CHAT: variants seen among roughly 807,000 people sequenced by gnomAD.
CHAT encodes the protein acetyl CoA:choline O-acetyltransferase.
A neutral mutation model predicts 76.9 loss-of-function variants in CHAT; 61 were observed. That is an observed-to-expected ratio of 0.79 (90% CI 0.65 to 0.98). The LOEUF (loss-of-function observed/expected upper bound fraction) is 0.98, where lower values mean the gene tolerates loss of function less well. Ranked by LOEUF, CHAT falls within the 50% of genes least tolerant of loss-of-function variation. CHAT has a pLI of 0.00. For synonymous variants in CHAT, 407 were observed against 397.4 expected, an observed-to-expected ratio of 1.02 and a Z score of -0.29; for missense variants, 946 against 986.9, an observed-to-expected ratio of 0.96 and a Z score of 0.56.
intron 7 of CHAT, among the ~76,000 whole-genome samples, chr10:49,635,991 C>T (rs1057219842): frequency 3.9e-5 from 6 of 152,138 alleles, no homozygotes; most frequent in African/African-American, 1.4e-4. Context: ...ATGATCCCTA[C>T]TTTTATGAAA....
chr10:49,622,201 TA>T (rs1244124447), intron 5 of CHAT, 51 bp downstream of exon 5: 1 of 1,574,228 alleles, frequency 6.4e-7, no homozygotes, highest in African/African-American at 1.3e-5. Context: ...CCTATGCGTC[TA>T]TCTCCCTTGC....
At chr10:49,663,795 C>A (rs533413262) in intron 14 of CHAT, among the ~76,000 whole-genome samples, 1 of 152,178 alleles carries the variant, frequency 6.6e-6, no homozygotes, top group South Asian at 2.1e-4. Context: ...AGCATGCAGA[C>A]GTGAATAAAC....
intron 4 of CHAT, among the ~76,000 whole-genome samples, chr10:49,621,690 C>T (rs1344589240): frequency 6.6e-6 from 1 of 152,122 alleles, no homozygotes; most frequent in Admixed American, 6.5e-5. Context: ...CCCCTTCTGG[C>T]CTGCTCTGTG....
chr10:49,627,585 T>TG (rs1838966515), intron 6 of CHAT, 23 bp from the exon 7 acceptor site: 1 of 1,613,480 alleles, frequency 6.2e-7, no homozygotes, highest in Non-Finnish European at 8.5e-7. Context: ...ACAAGTGACA[T>TG]GTTTGACCTG....
chr10:49,630,263 G>A (rs186004546), intron 7 of CHAT, among the ~76,000 whole-genome samples: 11 of 152,290 alleles, frequency 7.2e-5, no homozygotes, highest in Non-Finnish European at 1.3e-4. Context: ...CTGGAGGTCA[G>A]GTAGAGAAGG....
intron 7 of CHAT, among the ~76,000 whole-genome samples, chr10:49,642,620 C>T (rs1488765743): frequency 6.6e-6 from 1 of 152,228 alleles, no homozygotes; most frequent in African/African-American, 2.4e-5. Flanking sequence ...TCTCCTGCCT[C>T]GAGCCTGCAT....
At chr10:49,639,263 CA>C (rs1019132662) in intron 7 of CHAT, among the ~76,000 whole-genome samples, 29 of 151,944 alleles carry the variant, frequency 1.9e-4, no homozygotes, top group African/African-American at 6.5e-4. Flanking sequence ...AACAAACAAA[CA>C]AAAAAACACT....
chr10:49,648,377 A>C lies in CHAT; in HGVS notation c.1282-130A>C, dbSNP rs1839749393. 5 of 714,584 alleles carry C rather than the reference A, an allele frequency of 7.0e-6. No individual in the cohort carries two copies. The East Asian group carries it at 8.0e-5, about 11-fold the overall frequency. 44.3% of individuals were successfully genotyped at this position (714,584 alleles called of 1,614,324 possible). A position where few individuals can be genotyped will look rare whatever the true frequency, so the allele number is the denominator to read the frequency against. ...TGCAATCACATGCAGTGTTCTCTTC[A>C]GGAAATAATGTGCTCTGGTGTCCCT... On this transcript the variant is annotated intron_variant, in intron 8 of 14. Transcript: ENST00000337653.
intron 7 of CHAT, among the ~76,000 whole-genome samples, chr10:49,631,521 C>G (rs12220022): frequency 6.6e-6 from 1 of 152,130 alleles, no homozygotes; most frequent in South Asian, 2.1e-4. Context: ...AATTTTGGAA[C>G]GACACAATTT....
chr10:49,652,270 A>G (rs1473871824), intron 11 of CHAT, among the ~76,000 whole-genome samples: 1 of 151,126 alleles, frequency 6.6e-6, no homozygotes, highest in Non-Finnish European at 1.5e-5. Context: ...TAGAGCTGAG[A>G]AGAGCCAGGA....
intron 13 of CHAT, among the ~76,000 whole-genome samples, chr10:49,659,866 G>GTAAA (rs1330495584): frequency 2.6e-5 from 4 of 151,638 alleles, no homozygotes; most frequent in Admixed American, 2.0e-4. Context: ...CATCTCAAAA[G>GTAAA]TAAATAAATA....
intron 7 of CHAT, among the ~76,000 whole-genome samples, chr10:49,631,789 G>A (rs762293830): frequency 3.3e-5 from 5 of 152,186 alleles, no homozygotes; most frequent in Non-Finnish European, 7.4e-5. Context: ...CAAAGGTGTG[G>A]AGATGGAGGA....
In CHAT at chr10:49,623,117, T is replaced by TTGTCTCCTCATGGTG. The variant is rs1287437321; in HGVS notation, c.752+973_752+987dup. On this transcript the variant is annotated intron_variant, in intron 5 of 14. Coordinates refer to ENST00000337653, the MANE Select transcript of CHAT (RefSeq NM_020549.5). ...CCATGGGTCACTAGGCCCTGGGCTGTTGTCTCCTCATGGTGTGTCTTTGGT... is the reference window on the plus strand; with the variant it reads ...CCATGGGTCACTAGGCCCTGGGCTGTTGTCTCCTCATGGTGTGTCTCCTCATGGTGTGTCTTTGGT... 2.6e-5 allele frequency among the ~76,000 whole-genome samples: 4 copies of TTGTCTCCTCATGGTG among 152,306 alleles called. No homozygotes were observed. In the East Asian group the frequency reaches 7.7e-4, roughly 29 times the overall value.
At chr10:49,621,870 T>C (rs143697746) in intron 4 of CHAT, among the ~76,000 whole-genome samples, 103 of 75,224 alleles carry the variant, frequency 1.4e-3, no homozygotes, top group African/African-American at 5.9e-3. Flanking sequence ...AAGAACCACA[T>C]CTGATTAGTG....
intron 7 of CHAT, among the ~76,000 whole-genome samples, chr10:49,644,662 G>C (rs543365974): frequency 2.7e-4 from 40 of 147,804 alleles, no homozygotes; most frequent in Admixed American, 2.0e-3. Context: ...TGGCTTCCCA[G>C]AGTAGAAGGT....
intron 1 of CHAT, chr10:49,615,924 C>T: frequency 1.9e-6 from 2 of 1,036,452 alleles, no homozygotes; most frequent in South Asian, 1.4e-5. Flanking sequence ...GCCCTGGCCA[C>T]AGGCCAGGCT....
intron 7 of CHAT, among the ~76,000 whole-genome samples, chr10:49,645,323 C>G (rs1443796244): frequency 6.6e-6 from 1 of 152,184 alleles, no homozygotes; most frequent in Non-Finnish European, 1.5e-5. Context: ...CATCCAGCCC[C>G]CAAGGTCAGG....
chr10:49,611,361 G>A (rs757619919), upstream of CHAT: 16 of 1,600,398 alleles, frequency 1.0e-5, no homozygotes, highest in Non-Finnish European at 1.4e-5. Flanking sequence ...ACCCGGAGGA[G>A]CCGGAGCGCA....
At position 49,667,242 on chromosome 10, in the gene CHAT, T is replaced by C. The variant is rs1840358556; in HGVS notation, c.*2196T>C. Among the ~76,000 whole-genome samples the C allele has an allele frequency of 6.6e-6, 1 of 152,176 alleles. No homozygotes were observed. The highest frequency in any genetic ancestry group is 1.5e-5 in the Non-Finnish European group (1 of 68,018). ...AAAGAACTAAGTCTCTCCTAGTCTA[T>C]GGCATGCTATCATGGGGTCAAGTAG... On this transcript the variant is annotated 3_prime_UTR_variant, in exon 15 of 15. Coordinates refer to ENST00000337653, the MANE Select transcript of CHAT (RefSeq NM_020549.5).
Sources: allele counts gnomAD v4.1 joint callset (sites outside exome capture counted in the v4.1 genomes callset), GRCh38; gene constraint gnomAD v4.1.1; transcripts MANE v1.5; gene names NCBI Gene and HGNC (gene_info 2026-07-23, HGNC 2026-07-21).